The following ACADVL variants were observed in gnomAD, a reference collection of about 807,000 sequenced individuals.
ACADVL encodes the protein acyl-CoA dehydrogenase very long chain, also known as very long-chain acyl-CoA dehydrogenase, mitochondrial.
ACADVL carries 73 observed loss-of-function variants against 80.4 expected under a neutral mutation model. That is an observed-to-expected ratio of 0.91 (90% confidence interval 0.75 to 1.10). The LOEUF is 1.10. ACADVL is among the 50% of genes least tolerant of loss of function. The pLI is 0.00. For missense variants in ACADVL, 878 were observed against 858.9 expected, an observed-to-expected ratio of 1.02 and a Z score of -0.28; for synonymous variants, 392 against 326.5, an observed-to-expected ratio of 1.20 and a Z score of -2.16.
intron 10 of ACADVL, 54 bp from the exon 11 acceptor site, chr17:7,223,079 G>C: frequency 1.9e-6 from 3 of 1,553,240 alleles, no homozygotes; most frequent in Non-Finnish European, 2.7e-6. Flanking sequence ...CCCTCTCCTA[G>C]GGAGACTGCA....
chr17:7,220,347 G>A lies in ACADVL; in HGVS notation c.139-117G>A. 4.5e-6 allele frequency: 7 copies of A among 1,557,056 alleles called. No individual in the cohort carries two copies. The South Asian group carries it at 5.6e-5, about 13-fold the overall frequency. On this transcript the variant is annotated intron_variant, in intron 2 of 19. Transcript: ENST00000356839. ...AAAGGGCAAGCCAGGGTGCCCTAGGGCGAAACTAGGGGAAAGGTCACCGCT... is the reference window on the plus strand; with the variant it reads ...AAAGGGCAAGCCAGGGTGCCCTAGGACGAAACTAGGGGAAAGGTCACCGCT...
In ACADVL at chr17:7,220,670, C is replaced by T. The variant is rs398123087; in HGVS notation, c.271C>T (p.Pro91Ser). 6 of 1,614,152 alleles carry T rather than the reference C, an allele frequency of 3.7e-6. No homozygotes were observed. The highest frequency in any genetic ancestry group is 5.1e-6 in the Non-Finnish European group (6 of 1,180,028). The change falls in exon 4 of 20, where the codon CCG (proline) becomes TCG (serine). Residue 91 changes from proline (P) to serine (S), a missense_variant. Coordinates refer to ENST00000356839, the MANE Select transcript of ACADVL (RefSeq NM_000018.4). ...QLTTDQVFPYPSVLNEEQTQF... is the reference protein window; with the variant it reads ...QLTTDQVFPYSSVLNEEQTQF... Reference sequence around the variant, plus strand: ...CACCACAGATCAGGTGTTCCCATACCCGTCCGGTAAGGGAAGGGATAATCA... The same window carrying T: ...CACCACAGATCAGGTGTTCCCATACTCGTCCGGTAAGGGAAGGGATAATCA...
chr17:7,225,214 T>G lies in ACADVL; in HGVS notation c.*117T>G. On this transcript the variant is annotated 3_prime_UTR_variant, in exon 20 of 20. Coordinates refer to ENST00000356839, the MANE Select transcript of ACADVL (RefSeq NM_000018.4). The stretch of plus-strand genomic sequence containing the variant: ...GGCCTAGTGTTCCCAGCACTGTGCC[T>G]GCTCTCAAGAGCACTTACTGCCTCG... 1 of 1,419,436 alleles carries G rather than the reference T, an allele frequency of 7.0e-7. No homozygotes were observed. Among genetic ancestry groups the G allele is most frequent in the Non-Finnish European group, 9.8e-7 (1 of 1,018,892 alleles). 87.9% of individuals were successfully genotyped at this position (1,419,436 alleles called of 1,614,324 possible).
chr17:7,220,868 T>C (rs1263484221), intron 5 of ACADVL, 38 bp downstream of exon 5: 3 of 1,613,926 alleles, frequency 1.9e-6, no homozygotes, highest in Non-Finnish European at 2.5e-6. Context: ...TGGTGAGGTG[T>C]TTGGAGATGT....
chr17:7,220,452 C>T lies in ACADVL; in HGVS notation c.139-12C>T. ...TCCCTTCCCTGAACTTGCTAACCGT[C>T]TCTTTTCCCAGCTGGCTCTGGACAA... On this transcript the variant is annotated splice_polypyrimidine_tract_variant and intron_variant, in intron 2 of 19. Transcript: ENST00000356839. The T allele has an allele frequency of 6.2e-7, 1 of 1,614,220 alleles. No individual in the cohort carries two copies. The highest frequency in any genetic ancestry group is 1.6e-4 in the Middle Eastern group (1 of 6,062).
At chr17:7,220,254 C>G (rs1339184911) in intron 2 of ACADVL, 57 bp downstream of exon 2, 2 of 1,510,214 alleles carry the variant, frequency 1.3e-6, no homozygotes, top group Admixed American at 4.0e-5. Flanking sequence ...CTTCGGCGCC[C>G]GCCATCGGCA....
rs1412505801 is a variant in ACADVL at position 7,224,994 on chromosome 17, A to G, written c.1865A>G (p.Gln622Arg). 9.3e-6 allele frequency: 15 copies of G among 1,613,940 alleles called. No homozygotes were observed. Among genetic ancestry groups the G allele is most frequent in the African/African-American group, 1.3e-5 (1 of 74,906 alleles). Reference protein sequence around the residue: ...ARIREGMAALQSDPWQQELYR... With the variant: ...ARIREGMAALRSDPWQQELYR... ...ATCCGAGAGGGCATGGCCGCCCTGC[A>G]GTCTGACCCCTGGCAGCAAGAGCTC... Residue 622 changes from glutamine to arginine, a missense_variant, in exon 20 of 20, where the codon CAG (glutamine) becomes CGG (arginine). Physicochemically the swap from Gln to Arg is conservative, Grantham distance 43 (BLOSUM62 1). Coordinates refer to ENST00000356839, the MANE Select transcript of ACADVL (RefSeq NM_000018.4).
rs1005033134 is a variant in ACADVL, at chr17:7,224,562, C to G, written c.1678+10C>G. The G allele has an allele frequency of 3.1e-6, 5 of 1,595,580 alleles. No individual in the cohort carries two copies. Among genetic ancestry groups the G allele is most frequent in the Non-Finnish European group, 4.3e-6 (5 of 1,173,504 alleles). On this transcript the variant is annotated intron_variant, in intron 17 of 19. Coordinates refer to ENST00000356839, the MANE Select transcript of ACADVL (RefSeq NM_000018.4). ...AAGAAGGGGATTGTCAGTAAGTGAG[C>G]TCTACACCATTCCGCCCCTCCCTTT... is the stretch of plus-strand genomic sequence containing the variant.
chr17:7,223,006 TCCATCC>T lies in ACADVL; in HGVS notation c.1078-126_1078-121del, dbSNP rs1378374728. The T allele has an allele frequency of 3.4e-5, 49 of 1,441,408 alleles. 1 individual carries two copies. 89.3% of individuals were successfully genotyped at this position (1,441,408 alleles called of 1,614,324 possible). A position where few individuals can be genotyped will look rare whatever the true frequency, so the allele number is the denominator to read the frequency against. On this transcript the variant is annotated intron_variant, in intron 10 of 19. Transcript: ENST00000356839. ...GCAGCCCGACTTGCTAGCTTAGGTC[TCCATCC>T]AGCGTAGACTGAACTCTGGTTGTAT... is the stretch of plus-strand genomic sequence containing the variant.
chr17:7,218,515 G>A, upstream of ACADVL: 3 of 1,548,916 alleles, frequency 1.9e-6, no homozygotes, highest in Non-Finnish European at 2.6e-6. Context: ...TGGAGGCCCA[G>A]GTCCCTCAGA....
rs368107662 is a variant in ACADVL, at chr17:7,220,883, C to A, written c.343-41C>A. On this transcript the variant is annotated intron_variant, in intron 5 of 19. Transcript: ENST00000356839. ...TGGTGAGGTGTTTGGAGATGTTAAG[C>A]TCAAAAGGAGCCTGGATGTGGGATC... 5.0e-5 allele frequency: 81 copies of A among 1,614,054 alleles called. 1 individual carries two copies. The African/African-American group carries it at 8.8e-4, about 18-fold the overall frequency.
At chr17:7,221,812 G>A in intron 7 of ACADVL, 130 bp downstream of exon 7, 5 of 1,587,148 alleles carry the variant, frequency 3.2e-6, no homozygotes, top group Non-Finnish European at 4.3e-6. Flanking sequence ...AGGCATCACA[G>A]TGTGCTGGTT....
chr17:7,222,495 G>A, intron 9 of ACADVL, 172 bp from the exon 10 acceptor site: 1 of 1,141,792 alleles, frequency 8.8e-7, no homozygotes. Context: ...CACAAAATAG[G>A]ACATAGCCAG....
chr17:7,218,943 G>T, upstream of ACADVL: 1 of 1,383,258 alleles, frequency 7.2e-7, no homozygotes, highest in Non-Finnish European at 1.0e-6. Flanking sequence ...AAAGTAGGCC[G>T]TCTCTGAGCC....
intron 6 of ACADVL, 30 bp from the exon 7 acceptor site, chr17:7,221,508 G>A (rs774819402): frequency 2.5e-6 from 4 of 1,611,412 alleles, no homozygotes; most frequent in African/African-American, 2.8e-5. Context: ...TGCAGCCAGT[G>A]ACAACCCCAG....
rs1481402330 is a variant in ACADVL, at chr17:7,220,609, T to A, written c.210T>A (p.Ser70=). 6.2e-7 allele frequency: 1 copy of A among 1,614,080 alleles called. No homozygotes were observed. The highest frequency in any genetic ancestry group is 1.3e-5 in the African/African-American group (1 of 74,930). The change falls in exon 4 of 20, where the codon TCT becomes TCA. Residue 70 remains serine, a synonymous_variant. Transcript: ENST00000356839. The part of the protein sequence containing the change: ...LTRKKPAKAE[S]KSFAVGMFKG... ...ATTTGCCTCTCTCTGCCCAGGAATC[T>A]AAGTCCTTTGCTGTGGGAATGTTCA...
rs1462406529 is a variant in ACADVL at position 7,220,204 on chromosome 17, C to A, written c.138+7C>A. ...TGCCGGGGGTGCCGCTCAGGTAAGT[C>A]ACCGCAGCCTTGGCAAGGGGGTGTG... On this transcript the variant is annotated splice_region_variant and intron_variant, in intron 2 of 19. Transcript: ENST00000356839. The A allele has an allele frequency of 5.9e-6, 9 of 1,531,520 alleles. No individual in the cohort carries two copies. The African/African-American group carries it at 6.8e-5, about 12-fold the overall frequency. The allele number at this position is 1,531,520 out of a possible 1,614,324, so 94.9% of individuals were successfully genotyped here. A position where few individuals can be genotyped will look rare whatever the true frequency, so the allele number is the denominator to read the frequency against.
upstream of ACADVL, chr17:7,219,807 G>A (rs2071092571): frequency 2.6e-6 from 4 of 1,526,556 alleles, no homozygotes; most frequent in South Asian, 3.6e-5. Flanking sequence ...CTAAGTCAGC[G>A]GAACGCAGGG....
intron 19 of ACADVL, 31 bp downstream of exon 19, chr17:7,224,915 G>A (rs2071406276): frequency 1.2e-6 from 2 of 1,613,954 alleles, no homozygotes; most frequent in Non-Finnish European, 1.7e-6. Context: ...GCTCAGGTGA[G>A]GGCTGGAGGT....
Sources: allele counts gnomAD v4.1 joint callset, GRCh38; gene constraint gnomAD v4.1.1; transcripts MANE v1.5; gene names NCBI Gene and HGNC (gene_info 2026-07-23, HGNC 2026-07-21).